ZNG1F: variants seen among roughly 807,000 people sequenced by gnomAD.
ZNG1F encodes zinc-regulated GTPase metalloprotein activator 1F.
chr9:41,142,671 A>AAAAAAAAAAAC, the ZNG1F span, among the ~76,000 whole-genome samples: 2 of 74,426 alleles, frequency 2.7e-5, no homozygotes, highest in African/African-American at 3.8e-5. Flanking sequence ...AAAAAAAAAA[A>AAAAAAAAAAAC]AAAATACAAA....
chr9:41,152,353 A>G, the ZNG1F span, among the ~76,000 whole-genome samples: 1 of 149,678 alleles, frequency 6.7e-6, no homozygotes, highest in Non-Finnish European at 1.5e-5. Flanking sequence ...TTCATAAAGC[A>G]AGTCCTTAGA....
At chr9:41,165,083 C>T in the ZNG1F span, 3 of 1,578,390 alleles carry the variant, frequency 1.9e-6, no homozygotes, top group East Asian at 4.5e-5. Flanking sequence ...GCCAAAGCAA[C>T]TTGCCTAAAA....
the ZNG1F span, among the ~76,000 whole-genome samples, chr9:41,178,361 TGA>T: frequency 3.6e-5 from 2 of 54,984 alleles, no homozygotes; most frequent in African/African-American, 7.3e-5. Flanking sequence ...CTATGAAGGC[TGA>T]GAGAGGTGAG....
chr9:41,183,738 T>A, the ZNG1F span: 2 of 1,599,482 alleles, frequency 1.3e-6, no homozygotes, highest in East Asian at 2.3e-5. Context: ...AAGATGAGGA[T>A]AACTCAATAA....
the ZNG1F span, among the ~76,000 whole-genome samples, chr9:41,169,545 C>A: frequency 6.6e-6 from 1 of 151,456 alleles, no homozygotes; most frequent in South Asian, 2.1e-4. Flanking sequence ...GGCTAAGGAT[C>A]AAAACCCCAA....
the ZNG1F span, among the ~76,000 whole-genome samples, chr9:41,173,461 A>T: frequency 6.9e-6 from 1 of 145,896 alleles, no homozygotes; most frequent in Non-Finnish European, 1.5e-5. Flanking sequence ...ACTGGTTTTT[A>T]AAAAGGTGAA....
chr9:41,190,388 ATG>A, the ZNG1F span, among the ~76,000 whole-genome samples: 1 of 72,800 alleles, frequency 1.4e-5, no homozygotes, highest in South Asian at 5.3e-4. Context: ...TTCCTGACAT[ATG>A]TGTGTGCAAC....
At chr9:41,156,511 ACT>A in the ZNG1F span, 29 of 295,438 alleles carry the variant, frequency 9.8e-5, no homozygotes, top group Non-Finnish European at 1.4e-4. Context: ...AGAAAAAAAA[ACT>A]CTGACTCTTA....
the ZNG1F span, among the ~76,000 whole-genome samples, chr9:41,138,958 T>G: frequency 1.5e-5 from 2 of 134,268 alleles, no homozygotes; most frequent in East Asian, 2.2e-4. Flanking sequence ...ACCAACCTAG[T>G]GAATTCTTTT....
At chr9:41,136,481 C>T in the ZNG1F span, among the ~76,000 whole-genome samples, 4 of 30,248 alleles carry the variant, frequency 1.3e-4, 2 homozygotes, top group African/African-American at 2.6e-4. Flanking sequence ...CTTTGGTTGT[C>T]CTTTCCTGGT....
At chr9:41,196,718 A>G in the ZNG1F span, among the ~76,000 whole-genome samples, 1 of 84,396 alleles carries the variant, frequency 1.2e-5, no homozygotes, top group African/African-American at 3.3e-5. Flanking sequence ...ACACACATAT[A>G]TATATATGTG....
the ZNG1F span, among the ~76,000 whole-genome samples, chr9:41,150,665 CCT>C: frequency 1.1e-5 from 1 of 89,326 alleles, no homozygotes; most frequent in Non-Finnish European, 2.3e-5. Context: ...GTCCCTGACC[CCT>C]GACCCCCGAG....
the ZNG1F span, chr9:41,176,863 AC>A: frequency 7.0e-6 from 1 of 142,096 alleles, no homozygotes. Context: ...GTGGCAAAGA[AC>A]CCATTCTGGA....
the ZNG1F span, among the ~76,000 whole-genome samples, chr9:41,199,856 G>A: frequency 6.7e-6 from 1 of 150,326 alleles, no homozygotes; most frequent in African/African-American, 2.4e-5. Context: ...CTTGGGGCTT[G>A]CACCCTCTGA....
At chr9:41,149,670 T>C in the ZNG1F span, among the ~76,000 whole-genome samples, 1 of 150,504 alleles carries the variant, frequency 6.6e-6, no homozygotes, top group African/African-American at 2.4e-5. Flanking sequence ...CCAGGGGCTA[T>C]GAAGACAGGG....
At chr9:41,149,952 AAGAGAGG>A in the ZNG1F span, among the ~76,000 whole-genome samples, 6 of 144,622 alleles carry the variant, frequency 4.1e-5, no homozygotes, top group Non-Finnish European at 9.1e-5. Flanking sequence ...TATTAAAGTG[AAGAGAGG>A]AGAGAGGAGC....
the ZNG1F span, among the ~76,000 whole-genome samples, chr9:41,196,713 CAT>C: frequency 5.6e-3 from 464 of 83,370 alleles, 9 homozygotes; most frequent in African/African-American, 0.015. Context: ...TATACACACA[CAT>C]ATATATATAT....
the ZNG1F span, chr9:41,165,102 A>G: frequency 1.9e-6 from 3 of 1,567,622 alleles, 1 homozygote; most frequent in Non-Finnish European, 2.6e-6. Context: ...AATAGCAAAC[A>G]AAAAGAAATG....
chr9:41,187,024 T>A, the ZNG1F span, among the ~76,000 whole-genome samples: 3 of 144,898 alleles, frequency 2.1e-5, no homozygotes, highest in South Asian at 6.8e-4. Context: ...ACAGAGGCCC[T>A]GAACATGAGT....
Sources: gnomAD v4.1 joint callset for allele counts (sites outside exome capture counted in the v4.1 genomes callset) on GRCh38, gnomAD v4.1.1 for gene constraint, MANE v1.5 for transcripts, NCBI Gene and HGNC (gene_info 2026-07-23, HGNC 2026-07-21) for gene names.